The following BTBD9 variants were observed in gnomAD, a reference collection of about 807,000 sequenced individuals.
BTBD9 encodes the protein BTB domain containing 9, also known as BTB/POZ domain-containing protein 9.
In BTBD9, 49 loss-of-function variants were observed where a neutral mutation model predicts 64.3. The ratio of observed to expected loss-of-function variants is 0.76; its 90% CI spans 0.61 to 0.97. The LOEUF (loss-of-function observed/expected upper bound fraction) is 0.97, where lower values mean the gene tolerates loss of function less well. Among genes scored for constraint, BTBD9 ranks in the 50% least tolerant of loss-of-function variants. BTBD9 has a pLI of 0.00. For missense variants in BTBD9, 598 were observed against 762.1 expected, an observed-to-expected ratio of 0.78 and a Z score of 2.53; for synonymous variants, 260 against 274.7, an observed-to-expected ratio of 0.95 and a Z score of 0.53.
intron 7 of BTBD9, among the ~76,000 whole-genome samples, chr6:38,337,692 G>T (rs1016077893): frequency 1.3e-5 from 2 of 152,184 alleles, no homozygotes; most frequent in African/African-American, 4.8e-5. Flanking sequence ...GAATCAGATG[G>T]TAAGTTTCCT....
At chr6:38,234,747 G>A (rs577444416) in intron 9 of BTBD9, among the ~76,000 whole-genome samples, 16 of 152,302 alleles carry the variant, frequency 1.1e-4, no homozygotes, top group South Asian at 2.1e-4. Context: ...GCTAATCGGC[G>A]GCAGAACCAT....
intron 3 of BTBD9, among the ~76,000 whole-genome samples, chr6:38,593,187 A>C (rs1357381747): frequency 6.6e-6 from 1 of 152,056 alleles, no homozygotes; most frequent in East Asian, 1.9e-4. Context: ...TTGTTAAGTT[A>C]GAAAGACATA....
Position 38,577,988 on chromosome 6 carries a change from T to C in BTBD9, c.1035-269A>G, listed in dbSNP as rs1041727827. On this transcript the variant is annotated intron_variant, in intron 5 of 10. Transcript: ENST00000481247. Reference sequence around the variant, plus strand: ...TGTACTTATATTCATATCCCCAGGGTCCTACACAGTGCTTGGCACATCAGG... The same window carrying C: ...TGTACTTATATTCATATCCCCAGGGCCCTACACAGTGCTTGGCACATCAGG... Among the ~76,000 whole-genome samples, 3 of 152,068 alleles carry C rather than the reference T, an allele frequency of 2.0e-5. No individual in the cohort carries two copies. The South Asian group carries it at 6.2e-4, about 32-fold the overall frequency.
intron 1 of BTBD9, among the ~76,000 whole-genome samples, chr6:38,631,594 T>C (rs1462056624): frequency 6.6e-6 from 1 of 152,166 alleles, no homozygotes; most frequent in African/African-American, 2.4e-5. Context: ...TGCAACCCTA[T>C]GAAATTTCTG....
intron 6 of BTBD9, among the ~76,000 whole-genome samples, chr6:38,519,642 A>G (rs542870170): frequency 5.7e-4 from 87 of 151,918 alleles, no homozygotes; most frequent in African/African-American, 1.8e-3. Flanking sequence ...GCTGTGAGCA[A>G]TAGCTCAGGA....
chr6:38,590,566 T>C (rs1219750815), intron 4 of BTBD9, among the ~76,000 whole-genome samples: 1 of 152,192 alleles, frequency 6.6e-6, no homozygotes, highest in Non-Finnish European at 1.5e-5. Context: ...TTTAAAGGCA[T>C]AGTCAAGAAG....
intron 6 of BTBD9, among the ~76,000 whole-genome samples, chr6:38,483,874 C>G (rs1278298907): frequency 6.6e-6 from 1 of 152,212 alleles, no homozygotes; most frequent in Non-Finnish European, 1.5e-5. Flanking sequence ...GTGCTCCTTC[C>G]CCAAACTCAA....
intron 1 of BTBD9, among the ~76,000 whole-genome samples, chr6:38,617,719 C>T (rs13198900): frequency 0.085 from 12,954 of 152,204 alleles, 683 homozygotes; most frequent in Middle Eastern, 0.18. Context: ...GGACAAAAGA[C>T]GTCACTGTTC....
intron 7 of BTBD9, among the ~76,000 whole-genome samples, chr6:38,309,732 G>C (rs1464990629): frequency 6.6e-6 from 1 of 151,410 alleles, no homozygotes; most frequent in African/African-American, 2.4e-5. Context: ...TTTTTTTAAC[G>C]ATCCTTTAAT....
intron 6 of BTBD9, among the ~76,000 whole-genome samples, chr6:38,502,598 T>A (rs562097045): frequency 6.6e-6 from 1 of 152,286 alleles, no homozygotes; most frequent in East Asian, 1.9e-4. Flanking sequence ...CCAAGGCAAA[T>A]ACACAAATAC....
chr6:38,540,056 A>C (rs1472927249), intron 6 of BTBD9, among the ~76,000 whole-genome samples: 3 of 152,218 alleles, frequency 2.0e-5, no homozygotes, highest in African/African-American at 7.2e-5. Context: ...TGAATGGGAC[A>C]TGACAATCAT....
chr6:38,482,693 G>T (rs1025490122), intron 6 of BTBD9, among the ~76,000 whole-genome samples: 1 of 152,132 alleles, frequency 6.6e-6, no homozygotes, highest in Non-Finnish European at 1.5e-5. Context: ...TGCCAGTTTA[G>T]TGGGGGAGAC....
At chr6:38,634,670 G>T (rs1450932847) in intron 1 of BTBD9, among the ~76,000 whole-genome samples, 1 of 151,940 alleles carries the variant, frequency 6.6e-6, no homozygotes, top group African/African-American at 2.4e-5. Flanking sequence ...TAGTTATTTT[G>T]TGTGTGTGTA....
At position 38,560,440 on chromosome 6, in the gene BTBD9, T is replaced by C. The variant is rs1483306469; in HGVS notation, c.1154+17160A>G. On this transcript the variant is annotated intron_variant, in intron 6 of 10. Coordinates refer to ENST00000481247, the MANE Select transcript of BTBD9 (RefSeq NM_001099272.2). ...AAATCGATAAAATGTTTTATTTGTA[T>C]ATATGCAAAATCAAAATCTTTTTGT... Among the ~76,000 whole-genome samples, 7 of 152,330 alleles carry C rather than the reference T, an allele frequency of 4.6e-5. No individual in the cohort carries two copies. In the East Asian group the frequency reaches 9.6e-4, roughly 21 times the overall value.
At chr6:38,495,818 G>A (rs979771697) in intron 6 of BTBD9, among the ~76,000 whole-genome samples, 8 of 152,058 alleles carry the variant, frequency 5.3e-5, no homozygotes, top group South Asian at 2.1e-4. Context: ...AGCCCCGTGG[G>A]GATGATGACA....
At chr6:38,205,367 T>C (rs1762599653) in intron 9 of BTBD9, among the ~76,000 whole-genome samples, 1 of 152,112 alleles carries the variant, frequency 6.6e-6, no homozygotes. Flanking sequence ...TTCACATAAA[T>C]TTTTCAAAAG....
intron 1 of BTBD9, among the ~76,000 whole-genome samples, chr6:38,636,155 A>C (rs1438320897): frequency 6.6e-6 from 1 of 152,230 alleles, no homozygotes; most frequent in Non-Finnish European, 1.5e-5. Context: ...AATTCAGATA[A>C]GAAGCCTAGG....
intron 8 of BTBD9, among the ~76,000 whole-genome samples, chr6:38,273,955 C>T (rs1459141854): frequency 6.6e-6 from 1 of 152,190 alleles, no homozygotes; most frequent in Non-Finnish European, 1.5e-5. Flanking sequence ...CAAGTGATTC[C>T]ACTAAACTAT....
At chr6:38,207,903 A>C (rs1254820600) in intron 9 of BTBD9, among the ~76,000 whole-genome samples, 1 of 152,156 alleles carries the variant, frequency 6.6e-6, no homozygotes, top group African/African-American at 2.4e-5. Flanking sequence ...GGAAGGATGA[A>C]GCAGAGGACT....
Sources: allele counts gnomAD v4.1 joint callset (sites outside exome capture counted in the v4.1 genomes callset), GRCh38; gene constraint gnomAD v4.1.1; transcripts MANE v1.5; gene names NCBI Gene and HGNC (gene_info 2026-07-23, HGNC 2026-07-21).